The following NTRK1 variants were observed in gnomAD, a reference collection of about 807,000 sequenced individuals.
The protein encoded by NTRK1 is high affinity nerve growth factor receptor.
NTRK1 carries 62 observed loss-of-function variants against 86.8 expected under a neutral mutation model. That is an observed-to-expected ratio of 0.71 (90% CI 0.58 to 0.88). The LOEUF is 0.88. Ranked by LOEUF, NTRK1 falls within the 40% of genes least tolerant of loss-of-function variation. NTRK1 has a pLI of 0.00. For synonymous variants in NTRK1, 469 were observed against 456.6 expected (o/e 1.03, Z -0.35); for missense variants, 967 against 1,078.4 (o/e 0.90, Z 1.45).
rs115299532 is a variant in NTRK1 at position 156,870,696 on chromosome 1, G to A, written c.718-927G>A. The stretch of plus-strand genomic sequence containing the variant: ...AGGATTCCACATTTATAAAGTTTTC[G>A]GATAAATGAGATTTATCCACCACTT... On this transcript the variant is annotated intron_variant, in intron 6 of 16. Transcript: ENST00000524377. Among the ~76,000 whole-genome samples the A allele has an allele frequency of 8.8e-3, 1,343 of 152,158 alleles. 24 individuals are homozygous for A. The highest frequency in any genetic ancestry group is 0.03 in the African/African-American group (1,260 of 41,492).
intron 1 of NTRK1, among the ~76,000 whole-genome samples, chr1:156,820,056 T>C (rs911650718): frequency 6.6e-6 from 1 of 152,240 alleles, no homozygotes; most frequent in Non-Finnish European, 1.5e-5. Flanking sequence ...CCTAAGCCAA[T>C]GTCCAGAAGA....
At chr1:156,855,031 A>C (rs1312476574) in intron 2 of NTRK1, among the ~76,000 whole-genome samples, 1 of 152,130 alleles carries the variant, frequency 6.6e-6, no homozygotes, top group South Asian at 2.1e-4. Context: ...TTACTACTAT[A>C]ACAAGCCAGC....
intron 7 of NTRK1, among the ~76,000 whole-genome samples, chr1:156,872,539 T>G (rs1392569086): frequency 1.3e-5 from 2 of 152,054 alleles, no homozygotes; most frequent in Admixed American, 1.3e-4. Flanking sequence ...AGTTGCTATA[T>G]GTAGCTCATG....
rs762542314 is a variant in NTRK1, at chr1:156,876,515, G to A, written c.1748G>A (p.Arg583His). ...TTCTTCGGCGTCTGCACCGAGGGCC[G>A]CCCCCTGCTCATGGTCTTTGAGTAT... The part of the protein sequence containing the change: ...VRFFGVCTEG[R>H]PLLMVFEYMR... Residue 583 changes from arginine (R) to histidine (H), a missense_variant, in exon 14 of 17, where the codon CGC becomes CAC. Arg to His is a conservative substitution (Grantham distance 29). Coordinates refer to ENST00000524377, the MANE Select transcript of NTRK1 (RefSeq NM_002529.4). The A allele has an allele frequency of 6.2e-6, 10 of 1,613,430 alleles. No individual in the cohort carries two copies. The highest frequency in any genetic ancestry group is 5.0e-5 in the Admixed American group (3 of 59,994).
At chr1:156,853,540 AT>A (rs1468541301) in intron 2 of NTRK1, among the ~76,000 whole-genome samples, 1 of 152,092 alleles carries the variant, frequency 6.6e-6, no homozygotes, top group Non-Finnish European at 1.5e-5. Context: ...CTATTCCATG[AT>A]GCCGCCTTGG....
intron 1 of NTRK1, among the ~76,000 whole-genome samples, chr1:156,821,318 G>A (rs1381351848): frequency 2.0e-5 from 3 of 152,084 alleles, no homozygotes; most frequent in Non-Finnish European, 4.4e-5. Flanking sequence ...TTTCCAATTT[G>A]GATGCCCTTT....
chr1:156,881,607 C>T lies in NTRK1; in HGVS notation c.2356C>T (p.Gln786Ter). 1 of 1,610,566 alleles carries T rather than the reference C, an allele frequency of 6.2e-7. No homozygotes were observed. Among genetic ancestry groups the T allele is most frequent in the East Asian group, 2.2e-5 (1 of 44,768 alleles). ...GCACGCCCGGCTGCAAGCCCTGGCC[C>T]AGGCACCTCCTGTCTACCTGGATGT... ...DVHARLQALA[Q>*]APPVYLDVLG Residue 786 changes from glutamine (Q) to a stop codon, truncating the protein, a stop_gained, in exon 17 of 17, where the codon CAG becomes TAG. Transcript: ENST00000524377. LOFTEE classifies it high-confidence loss of function.
chr1:156,861,324 C>G (rs1176105766), intron 1 of NTRK1, among the ~76,000 whole-genome samples, 178 bp downstream of exon 1: 1 of 151,444 alleles, frequency 6.6e-6, no homozygotes, highest in Non-Finnish European at 1.5e-5. Context: ...CCCTAGCAAG[C>G]TTTATGGTCA....
At chr1:156,875,404 T>G in intron 11 of NTRK1, 116 bp from the exon 12 acceptor site, 2 of 1,389,412 alleles carry the variant, frequency 1.4e-6, no homozygotes, top group Non-Finnish European at 1.0e-6. Context: ...GCTCCCTAGC[T>G]TCTCAGTCTC....
intron 16 of NTRK1, 77 bp downstream of exon 16, chr1:156,880,234 G>GA: frequency 6.6e-7 from 1 of 1,522,228 alleles, no homozygotes; most frequent in South Asian, 1.1e-5. Context: ...CAGGGAACTC[G>GA]GTTCCCCTTC....
At chr1:156,815,920 C>A in intron 1 of NTRK1, 1 of 1,609,780 alleles carries the variant, frequency 6.2e-7, no homozygotes, top group South Asian at 1.1e-5. Context: ...TTGGAGTGGC[C>A]TTTGTCCATC....
intron 1 of NTRK1, chr1:156,840,871 C>T (rs760569009): frequency 3.1e-6 from 5 of 1,607,322 alleles, no homozygotes; most frequent in African/African-American, 1.3e-5. Context: ...ATGAGGTGCC[C>T]CTCAGTGCCC....
intron 1 of NTRK1, among the ~76,000 whole-genome samples, chr1:156,828,674 G>A (rs1654386752): frequency 6.6e-6 from 1 of 152,238 alleles, no homozygotes; most frequent in Admixed American, 6.5e-5. Context: ...TCAGTATACG[G>A]GTGACTGTGA....
In NTRK1 at chr1:156,841,029, T is replaced by C. The variant is rs764619417; in HGVS notation, c.-63-1052T>C. ...GGAAGGAGGGCCGCAGCTCCTCCTG[T>C]ATGCTGTCCAGAATGTGTGTGAAAG... On this transcript the variant is annotated intron_variant, in intron 1 of 16. Coordinates refer to the NTRK1 transcript ENST00000392302. The C allele has an allele frequency of 5.6e-6, 9 of 1,603,662 alleles. No homozygotes were observed. The South Asian group carries it at 1.0e-4, about 18-fold the overall frequency.
At chr1:156,880,440 A>G (rs1023733169) in intron 16 of NTRK1, 4 of 511,408 alleles carry the variant, frequency 7.8e-6, no homozygotes, top group Non-Finnish European at 1.4e-5. Context: ...CCCTAGCTGC[A>G]TTTTATAGAC....
chr1:156,846,912 G>A (rs1047135981), intron 2 of NTRK1, among the ~76,000 whole-genome samples: 2 of 152,178 alleles, frequency 1.3e-5, no homozygotes, highest in African/African-American at 2.4e-5. Flanking sequence ...GGCAAGGGGG[G>A]GCGGAGGAGG....
chr1:156,838,854 G>A (rs1387183971), intron 1 of NTRK1, among the ~76,000 whole-genome samples: 1 of 152,232 alleles, frequency 6.6e-6, no homozygotes, highest in Non-Finnish European at 1.5e-5. Flanking sequence ...ATAGGTAGTG[G>A]GGAGAGGGGT....
rs1292790967 is a variant in NTRK1, at chr1:156,874,984, C to T, written c.1330C>T (p.Arg444Trp). 5.0e-6 allele frequency: 8 copies of T among 1,613,530 alleles called. No homozygotes were observed. Among genetic ancestry groups the T allele is most frequent in the African/African-American group, 2.7e-5 (2 of 74,842 alleles). ...TLLLVLNKCG[R>W]RNKFGINRPA... ...GCTCCTTGTGCTCAACAAATGTGGACGGAGAAACAAGTTTGGGATCAACCG... is the reference window on the plus strand; with the variant it reads ...GCTCCTTGTGCTCAACAAATGTGGATGGAGAAACAAGTTTGGGATCAACCG... The change falls in exon 11 of 17, where the codon CGG becomes TGG. Residue 444 changes from arginine to tryptophan, a missense_variant. Arg to Trp is a moderately radical substitution (Grantham distance 101). Around this residue, in one of 2 missense-constraint regions of NTRK1, gnomAD observed 637 missense variants for 776.5 expected, o/e 0.82. Coordinates refer to ENST00000524377, the MANE Select transcript of NTRK1 (RefSeq NM_002529.4).
In NTRK1 at chr1:156,868,211, G is replaced by C. The variant is rs761633256; in HGVS notation, c.536G>C (p.Gly179Ala). ...CCTGAACAGAAGCTGCAGTGTCATG[G>C]GCAAGGGCCCCTGGCCCACATGCCC... ...GVPEQKLQCHGQGPLAHMPNA... is the reference protein window; with the variant it reads ...GVPEQKLQCHAQGPLAHMPNA... Residue 179 changes from glycine (G) to alanine (A), a missense_variant, in exon 5 of 17, where the codon GGG (glycine) becomes GCG (alanine). Physicochemically the swap from Gly to Ala is moderately conservative, Grantham distance 60 (BLOSUM62 0). Coordinates refer to ENST00000524377, the MANE Select transcript of NTRK1 (RefSeq NM_002529.4). 3 of 1,612,716 alleles carry C rather than the reference G, an allele frequency of 1.9e-6. No individual in the cohort carries two copies. In the Admixed American group the frequency reaches 5.0e-5, roughly 27 times the overall value.
Sources: gnomAD v4.1 joint callset for allele counts (sites outside exome capture counted in the v4.1 genomes callset) on GRCh38, gnomAD v4.1.1 for gene constraint, gnomAD v4.1.1 regional missense constraint, MANE v1.5 for transcripts, NCBI Gene and HGNC (gene_info 2026-07-23, HGNC 2026-07-21) for gene names.